The following BAZ2B variants were observed in gnomAD, a reference collection of about 807,000 sequenced individuals.
BAZ2B encodes the protein bromodomain adjacent to zinc finger domain 2B.
A neutral mutation model predicts 246.0 loss-of-function variants in BAZ2B; 91 were observed. The ratio of observed to expected loss-of-function variants is 0.37; its 90% confidence interval spans 0.31 to 0.44. The LOEUF (loss-of-function observed/expected upper bound fraction) is 0.44, where lower values mean the gene tolerates loss of function less well. BAZ2B is among the 20% of genes least tolerant of loss of function. The pLI is 1.00. For synonymous variants in BAZ2B, 855 were observed against 860.0 expected, an observed-to-expected ratio of 0.99 and a Z score of 0.10; for missense variants, 2,332 against 2,533.7, an observed-to-expected ratio of 0.92 and a Z score of 1.71.
the BAZ2B span, among the ~76,000 whole-genome samples, chr2:159,690,902 A>G: frequency 1.6e-4 from 24 of 152,136 alleles, no homozygotes; most frequent in Non-Finnish European, 5.9e-5. Flanking sequence ...ATTGGCTAAT[A>G]TTCCCAGTAA....
At chr2:159,387,500 C>T (rs2062783203) in intron 21 of BAZ2B, among the ~76,000 whole-genome samples, 1 of 152,134 alleles carries the variant, frequency 6.6e-6, no homozygotes, top group South Asian at 2.1e-4. Context: ...AATATTTCTC[C>T]ACTCTGCATT....
intron 25 of BAZ2B, among the ~76,000 whole-genome samples, chr2:159,377,351 A>G (rs953539966): frequency 6.6e-6 from 1 of 152,222 alleles, no homozygotes. Flanking sequence ...GTTCTTTATT[A>G]TAAAGAATAA....
intron 1 of BAZ2B, among the ~76,000 whole-genome samples, chr2:159,605,534 AG>A (rs1693284269): frequency 6.6e-6 from 1 of 152,176 alleles, no homozygotes; most frequent in African/African-American, 2.4e-5. Context: ...ATTTCACAAA[AG>A]GTGGCTCATA....
the BAZ2B span, among the ~76,000 whole-genome samples, chr2:159,708,688 C>G: frequency 6.6e-6 from 1 of 151,928 alleles, no homozygotes; most frequent in Non-Finnish European, 1.5e-5. Context: ...AATCCTCCTG[C>G]CTCAGCCTCC....
intron 27 of BAZ2B, among the ~76,000 whole-genome samples, chr2:159,361,716 A>C (rs111554487): frequency 0.049 from 7,415 of 152,222 alleles, 347 homozygotes; most frequent in African/African-American, 0.12. Flanking sequence ...AAATGCCCAT[A>C]AATGATAGAC....
At chr2:159,601,461 G>A (rs993318051) in intron 1 of BAZ2B, among the ~76,000 whole-genome samples, 41 of 149,670 alleles carry the variant, frequency 2.7e-4, no homozygotes, top group Non-Finnish European at 4.4e-4. Flanking sequence ...GGTGGCTCAC[G>A]CCTGTAATCC....
intron 2 of BAZ2B, among the ~76,000 whole-genome samples, chr2:159,511,838 T>G (rs1395740178): frequency 6.6e-6 from 1 of 152,174 alleles, no homozygotes; most frequent in East Asian, 1.9e-4. Flanking sequence ...ACAACATTTT[T>G]GTTTACTTAA....
chr2:159,568,378 G>C (rs1306067996), intron 1 of BAZ2B, among the ~76,000 whole-genome samples: 2 of 151,962 alleles, frequency 1.3e-5, no homozygotes, highest in African/African-American at 4.8e-5. Context: ...GCTTGAAAAA[G>C]AAAAAGCATG....
At chr2:159,457,268 A>G (rs2075889421) in intron 3 of BAZ2B, among the ~76,000 whole-genome samples, 1 of 152,222 alleles carries the variant, frequency 6.6e-6, no homozygotes, top group African/African-American at 2.4e-5. Flanking sequence ...GTGCAAGACT[A>G]TTTTTATACC....
At chr2:159,576,510 CCAAT>C (rs1479145854) in intron 1 of BAZ2B, among the ~76,000 whole-genome samples, 2 of 146,716 alleles carry the variant, frequency 1.4e-5, no homozygotes, top group South Asian at 4.4e-4. Flanking sequence ...TCATCATGCA[CCAAT>C]CAGATTATCA....
In BAZ2B at chr2:159,432,975, CT is replaced by C; in HGVS notation, c.1681del (p.Ser561ValfsTer12). 1 of 1,614,092 alleles carries C rather than the reference CT, an allele frequency of 6.2e-7. No individual in the cohort carries two copies. Among genetic ancestry groups the C allele is most frequent in the Non-Finnish European group, 8.5e-7 (1 of 1,180,018 alleles). On this transcript the variant is annotated frameshift_variant, in exon 9 of 37. Transcript: ENST00000392783. LOFTEE classifies it high-confidence loss of function. ...VMPSASPILH[S>X]QGKEKAVSNN... Reference sequence around the variant, plus strand: ...GCTAACTGCTTTTTCCTTCCCTTGACTATGCAGGATGGGAGAGGCAGAGGGC... The same window carrying C: ...GCTAACTGCTTTTTCCTTCCCTTGACATGCAGGATGGGAGAGGCAGAGGGC...
At chr2:159,692,685 TTAAAA>T in the BAZ2B span, among the ~76,000 whole-genome samples, 2 of 152,056 alleles carry the variant, frequency 1.3e-5, no homozygotes, top group African/African-American at 4.8e-5. Flanking sequence ...GCCTGTCTCT[TTAAAA>T]TAAAAAATTA....
chr2:159,342,911 A>G (rs896951980), intron 31 of BAZ2B, among the ~76,000 whole-genome samples: 5 of 152,220 alleles, frequency 3.3e-5, no homozygotes, highest in Non-Finnish European at 7.3e-5. Flanking sequence ...AGAAATAAAG[A>G]AAAAATATTA....
At chr2:159,352,354 A>G (rs143341243) in intron 27 of BAZ2B, among the ~76,000 whole-genome samples, 293 of 152,246 alleles carry the variant, frequency 1.9e-3, no homozygotes, top group African/African-American at 6.5e-3. Flanking sequence ...TCATCTTAGA[A>G]TGTCATTCTA....
the BAZ2B span, among the ~76,000 whole-genome samples, chr2:159,676,372 T>G: frequency 6.6e-6 from 1 of 152,158 alleles, no homozygotes; most frequent in Admixed American, 6.5e-5. Context: ...GTAAACTTAC[T>G]TATATTAGTG....
At chr2:159,659,619 C>A in the BAZ2B span, among the ~76,000 whole-genome samples, 11 of 152,188 alleles carry the variant, frequency 7.2e-5, no homozygotes, top group African/African-American at 2.7e-4. Context: ...GTCATAGTAT[C>A]CATGACCACT....
intron 13 of BAZ2B, among the ~76,000 whole-genome samples, chr2:159,423,431 G>A (rs2069156663): frequency 1.3e-5 from 2 of 152,208 alleles, no homozygotes; most frequent in African/African-American, 4.8e-5. Flanking sequence ...ATGTCAATTA[G>A]TTTAGCCACT....
intron 27 of BAZ2B, among the ~76,000 whole-genome samples, chr2:159,370,862 C>G (rs1354331891): frequency 1.3e-5 from 2 of 152,080 alleles, no homozygotes; most frequent in African/African-American, 2.4e-5. Context: ...AGTGCAATGG[C>G]ACGATCTCGG....
At position 159,405,113 on chromosome 2, in the gene BAZ2B, T is replaced by A; in HGVS notation, c.2679A>T (p.Glu893Asp). ...AKLLRKLQAQ[E>D]IARQAAQIKL... ...TTATTTGTGCTGCTTGCCTGGCTAT[T>A]TCTGAAAAACACAAAATTTCAAAGA... The change falls in exon 15 of 37, where the codon GAA (glutamate) becomes GAT (aspartate). Residue 893 changes from glutamate to aspartate, a missense_variant and splice_region_variant. Coordinates refer to ENST00000392783, the MANE Select transcript of BAZ2B (RefSeq NM_013450.4). 6.2e-7 allele frequency: 1 copy of A among 1,613,938 alleles called. No individual in the cohort carries two copies. Among genetic ancestry groups the A allele is most frequent in the Non-Finnish European group, 8.5e-7 (1 of 1,179,942 alleles).
Sources: gnomAD v4.1 joint callset for allele counts (sites outside exome capture counted in the v4.1 genomes callset) on GRCh38, gnomAD v4.1.1 for gene constraint, MANE v1.5 for transcripts, NCBI Gene and HGNC (gene_info 2026-07-23, HGNC 2026-07-21) for gene names.